Variants in RABL2B observed in about 807,000 individuals in gnomAD.
RABL2B encodes RAB, member of RAS oncogene family like 2B, also known as rab-like protein 2B.
In RABL2B, 17 loss-of-function variants were observed where a neutral mutation model predicts 26.7. The ratio of observed to expected loss-of-function variants is 0.64; its 90% confidence interval spans 0.44 to 0.95. The LOEUF is 0.95. Among genes scored for constraint, RABL2B ranks in the 40% least tolerant of loss-of-function variants. The probability of loss-of-function intolerance (pLI) is 0.00; values close to 1 mark genes in which losing one functional copy is unlikely to be tolerated. For missense variants in RABL2B, 170 were observed against 277.2 expected, an observed-to-expected ratio of 0.61 and a Z score of 2.75; for synonymous variants, 70 against 103.9, an observed-to-expected ratio of 0.67 and a Z score of 1.99.
chr22:50,775,411 G>A (rs1392320262), intron 5 of RABL2B, among the ~76,000 whole-genome samples: 1 of 152,164 alleles, frequency 6.6e-6, no homozygotes, highest in Admixed American at 6.5e-5. Context: ...CGCCCCCTAG[G>A]GAAAGGCAGC....
chr22:50,768,804 G>A lies in RABL2B; in HGVS notation c.662C>T (p.Ser221Leu). ...GCTGTGGGGAGAGGCCGCCTCCTCTGATGGGGTCTCGATGCTGCTGCTCTG... is the reference window on the plus strand; with the variant it reads ...GCTGTGGGGAGAGGCCGCCTCCTCTAATGGGGTCTCGATGCTGCTGCTCTG... ...QEQSSSIETP[S>L]EEAASPHS The change falls in exon 9 of 9, where the codon TCA becomes TTA. Residue 221 changes from serine (S) to leucine (L), a missense_variant. Physicochemically the swap from Ser to Leu is moderately radical, Grantham distance 145. Transcript: ENST00000691320. The A allele has an allele frequency of 3.1e-6, 5 of 1,613,862 alleles. No homozygotes were observed. The highest frequency in any genetic ancestry group is 3.4e-6 in the Non-Finnish European group (4 of 1,179,866).
At chr22:50,779,986 A>T (rs2085551290) in intron 2 of RABL2B, among the ~76,000 whole-genome samples, 1 of 152,114 alleles carries the variant, frequency 6.6e-6, no homozygotes, top group South Asian at 2.1e-4. Context: ...GTCTCCAAAA[A>T]ACAAAAAACC....
At chr22:50,780,781 T>C (rs1310940231) in intron 2 of RABL2B, 2 of 470,114 alleles carry the variant, frequency 4.3e-6, no homozygotes, top group Admixed American at 2.4e-5. Flanking sequence ...TCTTATTTTT[T>C]GTTACTGTTT....
At chr22:50,776,954 G>A (rs1315031874) in intron 3 of RABL2B, among the ~76,000 whole-genome samples, 2 of 152,194 alleles carry the variant, frequency 1.3e-5, no homozygotes, top group African/African-American at 2.4e-5. Context: ...GGGGTGGGAG[G>A]AGATGGGAGT....
chr22:50,777,825 C>T (rs1170417895), intron 3 of RABL2B, 127 bp downstream of exon 3: 1 of 1,472,506 alleles, frequency 6.8e-7, no homozygotes, highest in East Asian at 2.3e-5. Flanking sequence ...CGGAACAAAA[C>T]CTGTGCGTTC....
chr22:50,772,002 A>T (rs2084262779), intron 5 of RABL2B: 1 of 151,166 alleles, frequency 6.6e-6, no homozygotes, highest in Admixed American at 6.6e-5. Flanking sequence ...TTTTATTTTT[A>T]TTTATTTATG....
intron 5 of RABL2B, among the ~76,000 whole-genome samples, chr22:50,774,483 G>A (rs1255694523): frequency 1.3e-5 from 2 of 149,806 alleles, no homozygotes; most frequent in Non-Finnish European, 3.0e-5. Flanking sequence ...AGTAGAACCT[G>A]CTGGTGGTCC....
At chr22:50,775,570 TC>T (rs1225727356) in intron 5 of RABL2B, among the ~76,000 whole-genome samples, 139 of 151,882 alleles carry the variant, frequency 9.2e-4, no homozygotes, top group African/African-American at 3.2e-3. Flanking sequence ...TCTCCACCCA[TC>T]CCCGCCTACA....
At position 50,781,526 on chromosome 22, in the gene RABL2B, A is replaced by G. The variant is rs147293235; in HGVS notation, c.107+662T>C. ...AGGACTTGATTATAAAAATGAAGGT[A>G]GAAACCAAGGTGGGCCTGGAGTACT... On this transcript the variant is annotated intron_variant, in intron 2 of 8. Transcript: ENST00000691320. Among the ~76,000 whole-genome samples, 555 of 152,268 alleles carry G rather than the reference A, an allele frequency of 3.6e-3. 5 individuals carry two copies. The highest frequency in any genetic ancestry group is 0.017 in the Middle Eastern group (5 of 294).
At position 50,782,318 on chromosome 22, in the gene RABL2B, T is replaced by C; in HGVS notation, c.-24A>G. The C allele has an allele frequency of 7.3e-7, 1 of 1,372,506 alleles. No individual in the cohort carries two copies. Among genetic ancestry groups the C allele is most frequent in the Non-Finnish European group, 9.8e-7 (1 of 1,024,516 alleles). The allele number at this position is 1,372,506 out of a possible 1,614,324, so 85.0% of individuals were successfully genotyped here. A position where few individuals can be genotyped will look rare whatever the true frequency, so the allele number is the denominator to read the frequency against. The stretch of plus-strand genomic sequence containing the variant: ...ATTGGCTCCTAGCTGTAGAGAGGGG[T>C]CCAGCCCAAGGGAGGGGAGGGTATT... On this transcript the variant is annotated 5_prime_UTR_variant, in exon 2 of 9. Coordinates refer to ENST00000691320, the MANE Select transcript of RABL2B (RefSeq NM_001130919.3).
At position 50,767,762 on chromosome 22, in the gene RABL2B, C is replaced by T. The variant is rs1323806302; in HGVS notation, c.*1014G>A. ...TGAAATAGGAACTTTAAAGGAAGCTCTTCTTGTAGTCCAAATGGACGTACC... is the reference window on the plus strand; with the variant it reads ...TGAAATAGGAACTTTAAAGGAAGCTTTTCTTGTAGTCCAAATGGACGTACC... On this transcript the variant is annotated 3_prime_UTR_variant, in exon 9 of 9. Transcript: ENST00000691320. 2.2e-6 allele frequency: 1 copy of T among 454,172 alleles called. No homozygotes were observed. Among genetic ancestry groups the T allele is most frequent in the Non-Finnish European group, 4.4e-6 (1 of 226,228 alleles). The allele number at this position is 454,172 out of a possible 1,614,324, so 28.1% of individuals were successfully genotyped here. A position where few individuals can be genotyped will look rare whatever the true frequency, so the allele number is the denominator to read the frequency against.
At chr22:50,778,502 T>C (rs1306273246) in intron 2 of RABL2B, among the ~76,000 whole-genome samples, 1 of 152,016 alleles carries the variant, frequency 6.6e-6, no homozygotes, top group Non-Finnish European at 1.5e-5. Flanking sequence ...AGAATCTGCT[T>C]GATCTATTGG....
At chr22:50,772,079 A>C (rs1253281530) in intron 5 of RABL2B, 2 of 152,138 alleles carry the variant, frequency 1.3e-5, no homozygotes, top group Non-Finnish European at 2.9e-5. Context: ...ATCTTGGCTC[A>C]CTGCCACTGC....
chr22:50,781,468 C>A (rs373268056), intron 2 of RABL2B, among the ~76,000 whole-genome samples: 1 of 150,774 alleles, frequency 6.6e-6, no homozygotes, highest in African/African-American at 2.4e-5. Context: ...CCAGCAAAGC[C>A]CCCAGAGAAT....
At chr22:50,774,294 A>G (rs1555921630) in intron 5 of RABL2B, among the ~76,000 whole-genome samples, 1 of 151,850 alleles carries the variant, frequency 6.6e-6, no homozygotes, top group African/African-American at 2.4e-5. Flanking sequence ...GAGAGATGCC[A>G]TCTGTTTCTT....
At chr22:50,774,458 C>A (rs879978984) in intron 5 of RABL2B, among the ~76,000 whole-genome samples, 1 of 150,060 alleles carries the variant, frequency 6.7e-6, no homozygotes, top group Non-Finnish European at 1.5e-5. Flanking sequence ...TGACAAACTG[C>A]GAAGAAACAC....
chr22:50,770,055 C>A, intron 5 of RABL2B, 39 bp from the exon 6 acceptor site: 1 of 1,613,034 alleles, frequency 6.2e-7, no homozygotes, highest in South Asian at 1.1e-5. Flanking sequence ...TCAGGTATGT[C>A]AATGTTTCTG....
chr22:50,780,264 G>C (rs2085603065), intron 2 of RABL2B, among the ~76,000 whole-genome samples: 1 of 150,690 alleles, frequency 6.6e-6, no homozygotes, highest in Non-Finnish European at 1.5e-5. Flanking sequence ...CTTAAAGAAA[G>C]CCTGGTGACT....
At chr22:50,780,317 C>T (rs1264542679) in intron 2 of RABL2B, among the ~76,000 whole-genome samples, 41 of 151,826 alleles carry the variant, frequency 2.7e-4, no homozygotes, top group African/African-American at 9.0e-4. Flanking sequence ...GCAAGAAGGC[C>T]GCACTGCCAC....
Sources: allele counts gnomAD v4.1 joint callset (sites outside exome capture counted in the v4.1 genomes callset), GRCh38; gene constraint gnomAD v4.1.1; transcripts MANE v1.5; gene names NCBI Gene and HGNC (gene_info 2026-07-23, HGNC 2026-07-21).